The following EYS variants were observed in gnomAD, a reference collection of about 807,000 sequenced individuals.
EYS encodes protein eyes shut homolog.
In EYS, 250 loss-of-function variants were observed where a neutral mutation model predicts 282.1. The observed-to-expected ratio is 0.89, with a 90% CI of 0.80 to 0.98. The LOEUF is 0.98. Ranked by LOEUF, EYS falls within the 50% of genes least tolerant of loss-of-function variation. The pLI is 0.00. For missense variants in EYS, 4,016 were observed against 3,709.0 expected (o/e 1.08, Z -2.15); for synonymous variants, 1,355 against 1,282.9 (o/e 1.06, Z -1.20).
intron 1 of EYS, among the ~76,000 whole-genome samples, chr6:65,703,212 A>T (rs186498240): frequency 5.3e-5 from 8 of 152,096 alleles, no homozygotes; most frequent in Admixed American, 5.2e-4. Flanking sequence ...CTCTCTCTAT[A>T]TATATACTGT....
At chr6:64,854,697 C>T (rs1372187904) in intron 19 of EYS, among the ~76,000 whole-genome samples, 5 of 151,864 alleles carry the variant, frequency 3.3e-5, no homozygotes, top group Admixed American at 6.6e-5. Context: ...ACATATGTAA[C>T]TAACCTGCAC....
intron 18 of EYS, among the ~76,000 whole-genome samples, chr6:64,896,895 C>T (rs113209715): frequency 0.029 from 4,429 of 152,142 alleles, 220 homozygotes; most frequent in African/African-American, 0.1. Context: ...GTAGACAGAC[C>T]GCCTCTCTAG....
At chr6:64,676,327 T>C (rs970520270) in intron 22 of EYS, among the ~76,000 whole-genome samples, 15 of 145,874 alleles carry the variant, frequency 1.0e-4, no homozygotes, top group African/African-American at 3.5e-4. Flanking sequence ...TATATATATA[T>C]ATCTATATAT....
intron 22 of EYS, among the ~76,000 whole-genome samples, chr6:64,730,352 T>C (rs1771917248): frequency 6.6e-6 from 1 of 152,214 alleles, no homozygotes; most frequent in African/African-American, 2.4e-5. Flanking sequence ...ATCACCTAGA[T>C]ATGTTGAAAT....
chr6:64,936,023 T>C (rs1768894011), intron 15 of EYS, among the ~76,000 whole-genome samples: 1 of 151,536 alleles, frequency 6.6e-6, no homozygotes, highest in South Asian at 2.1e-4. Flanking sequence ...GCCTTAGGAA[T>C]ACAGACCCCA....
At chr6:63,861,611 CTGAG>C (rs1389647738) in intron 36 of EYS, among the ~76,000 whole-genome samples, 3 of 152,128 alleles carry the variant, frequency 2.0e-5, no homozygotes, top group Non-Finnish European at 2.9e-5. Flanking sequence ...TTGCTATAGA[CTGAG>C]TGTTTATGTG....
intron 26 of EYS, among the ~76,000 whole-genome samples, chr6:64,559,856 C>T (rs948882834): frequency 9.9e-5 from 15 of 151,954 alleles, no homozygotes; most frequent in African/African-American, 3.1e-4. Flanking sequence ...TTTCATCACC[C>T]AGATATTAAG....
chr6:64,767,037 A>T (rs11961928), intron 22 of EYS, among the ~76,000 whole-genome samples: 144,249 of 151,720 alleles, frequency 0.95, 68,782 homozygotes, highest in Non-Finnish European at 1. Context: ...ACTGGGGTTA[A>T]CCTCACTTTA....
chr6:65,586,508 C>A (rs971629081), intron 2 of EYS, among the ~76,000 whole-genome samples: 1 of 151,986 alleles, frequency 6.6e-6, no homozygotes, highest in Non-Finnish European at 1.5e-5. Context: ...GCATTTGTTT[C>A]TTGTCAAGTT....
rs150270013 is a variant in EYS at position 64,653,435 on chromosome 6, T to C, written c.3444-27190A>G. Among the ~76,000 whole-genome samples, 1,487 of 152,312 alleles carry C rather than the reference T, an allele frequency of 9.8e-3. 29 individuals are homozygous for C. Among genetic ancestry groups the C allele is most frequent in the African/African-American group, 0.034 (1,425 of 41,564 alleles). On this transcript the variant is annotated intron_variant, in intron 22 of 42. Coordinates refer to ENST00000503581, the MANE Select transcript of EYS (RefSeq NM_001142800.2). ...AATTTAACAGTGACTGTCTCAGTTA[T>C]TGGGAATATATTAGGCGGGTTAATA...
chr6:64,575,125 G>C (rs186623275), intron 26 of EYS, among the ~76,000 whole-genome samples: 9 of 152,168 alleles, frequency 5.9e-5, no homozygotes, highest in Admixed American at 2.0e-4. Context: ...GAAAAGTATA[G>C]CACCTAGTCA....
At chr6:64,305,218 A>C (rs1241833468) in intron 30 of EYS, among the ~76,000 whole-genome samples, 1 of 152,202 alleles carries the variant, frequency 6.6e-6, no homozygotes. Flanking sequence ...AAAGCAGTGA[A>C]TGTCTTCTAC....
At chr6:63,742,225 G>A (rs1266304309) in intron 41 of EYS, among the ~76,000 whole-genome samples, 2 of 151,996 alleles carry the variant, frequency 1.3e-5, no homozygotes, top group Non-Finnish European at 2.9e-5. Flanking sequence ...TACCTTTCTG[G>A]TCAAGGTTTT....
At chr6:65,520,546 G>A (rs1221824311) in intron 2 of EYS, among the ~76,000 whole-genome samples, 1 of 151,882 alleles carries the variant, frequency 6.6e-6, no homozygotes, top group East Asian at 1.9e-4. Context: ...CACAATATGT[G>A]TTATTGCAGA....
intron 33 of EYS, among the ~76,000 whole-genome samples, chr6:64,038,063 G>A (rs1770205306): frequency 6.6e-6 from 1 of 151,862 alleles, no homozygotes; most frequent in Non-Finnish European, 1.5e-5. Flanking sequence ...ATCTCCTTAT[G>A]CAAAATTAAT....
At chr6:65,165,079 T>C (rs1764941011) in intron 12 of EYS, among the ~76,000 whole-genome samples, 3 of 151,296 alleles carry the variant, frequency 2.0e-5, no homozygotes, top group South Asian at 4.1e-4. Flanking sequence ...GCTATCCTAG[T>C]ATACACAAAA....
intron 35 of EYS, 125 bp downstream of exon 35, chr6:63,984,258 T>A: frequency 1.5e-6 from 1 of 676,500 alleles, no homozygotes; most frequent in Non-Finnish European, 2.6e-6. Context: ...AGGTGATGCA[T>A]AGAAAAACTT....
chr6:64,082,600 G>T (rs939667535), intron 31 of EYS, among the ~76,000 whole-genome samples: 11 of 152,000 alleles, frequency 7.2e-5, no homozygotes, highest in Admixed American at 2.0e-4. Flanking sequence ...ACACACAAAG[G>T]TTAGAGAACT....
At chr6:65,168,531 G>C (rs1364517869) in intron 12 of EYS, among the ~76,000 whole-genome samples, 2 of 150,954 alleles carry the variant, frequency 1.3e-5, no homozygotes, top group East Asian at 3.9e-4. Context: ...TATCTCTCTT[G>C]GGTCTGTTTT....
Sources: allele counts gnomAD v4.1 joint callset (sites outside exome capture counted in the v4.1 genomes callset), GRCh38; gene constraint gnomAD v4.1.1; transcripts MANE v1.5; gene names NCBI Gene and HGNC (gene_info 2026-07-23, HGNC 2026-07-21).